The following PHLDB2 variants were observed in gnomAD, a reference collection of about 807,000 sequenced individuals.
PHLDB2 encodes the protein pleckstrin homology-like domain family B member 2.
Under a neutral mutation model 123.6 loss-of-function variants are expected in PHLDB2, and 71 were observed. That is an observed-to-expected ratio of 0.57 (90% CI 0.47 to 0.70). The LOEUF is 0.70. Ranked by LOEUF, PHLDB2 falls within the 30% of genes least tolerant of loss-of-function variation. The pLI is 0.00. For synonymous variants in PHLDB2, 547 were observed against 541.6 expected (o/e 1.01, Z -0.14); for missense variants, 1,446 against 1,519.5 (o/e 0.95, Z 0.80).
intron 1 of PHLDB2, among the ~76,000 whole-genome samples, chr3:111,798,949 T>A (rs779403625): frequency 6.6e-6 from 1 of 152,170 alleles, no homozygotes; most frequent in Non-Finnish European, 1.5e-5. Flanking sequence ...TTTGATTGAC[T>A]CACAGTTCAG....
At chr3:111,834,668 T>C (rs1042998586) in intron 1 of PHLDB2, among the ~76,000 whole-genome samples, 5 of 151,986 alleles carry the variant, frequency 3.3e-5, no homozygotes, top group African/African-American at 1.2e-4. Flanking sequence ...AATTGTTGAA[T>C]CATAGGGGAT....
intron 1 of PHLDB2, among the ~76,000 whole-genome samples, chr3:111,747,574 G>A (rs951151632): frequency 2.9e-4 from 44 of 152,118 alleles, no homozygotes; most frequent in Non-Finnish European, 5.7e-4. Flanking sequence ...AGTTGGCCCA[G>A]CTTCCTTGAC....
intron 16 of PHLDB2, among the ~76,000 whole-genome samples, chr3:111,971,913 G>T (rs1419186162): frequency 6.6e-6 from 1 of 152,166 alleles, no homozygotes; most frequent in African/African-American, 2.4e-5. Flanking sequence ...GAAAACCGAG[G>T]CCTAGAAAAT....
rs148927917 is a variant in PHLDB2, at chr3:111,787,586, A to G, written c.-49+54883A>G. On this transcript the variant is annotated intron_variant, in intron 1 of 17. Coordinates refer to the PHLDB2 transcript ENST00000393923. The stretch of plus-strand genomic sequence containing the variant: ...TTGGAGGGCTCAATCTACTTCTACC[A>G]TTTTCAAAGACATGGTTGGTAGCTT... 4.6e-4 allele frequency among the ~76,000 whole-genome samples: 70 copies of G among 152,138 alleles called. 3 individuals are homozygous for G. In the South Asian group the frequency reaches 0.012, roughly 25 times the overall value.
chr3:111,873,785 AT>A (rs910185019), intron 1 of PHLDB2, among the ~76,000 whole-genome samples: 1 of 151,916 alleles, frequency 6.6e-6, no homozygotes, highest in Non-Finnish European at 1.5e-5. Flanking sequence ...AACATCTCAG[AT>A]TTTTTTTGTA....
intron 8 of PHLDB2, 98 bp downstream of exon 8, chr3:111,940,743 T>G: frequency 1.9e-6 from 1 of 528,006 alleles, no homozygotes; most frequent in Non-Finnish European, 3.2e-6. Context: ...ATAGTGAATG[T>G]CTATACAATT....
chr3:111,732,859 C>T (rs1438565755), intron 1 of PHLDB2, among the ~76,000 whole-genome samples: 3 of 152,200 alleles, frequency 2.0e-5, no homozygotes. Flanking sequence ...TCAGCCTGTT[C>T]TGGAAAGCAG....
At chr3:111,800,087 C>T (rs1187835537) in intron 1 of PHLDB2, among the ~76,000 whole-genome samples, 2 of 152,156 alleles carry the variant, frequency 1.3e-5, no homozygotes, top group Non-Finnish European at 2.9e-5. Flanking sequence ...TCACTGCAGA[C>T]TCAACCTCCC....
intron 1 of PHLDB2, among the ~76,000 whole-genome samples, chr3:111,829,057 G>T (rs1478676804): frequency 6.6e-6 from 1 of 152,148 alleles, no homozygotes; most frequent in African/African-American, 2.4e-5. Flanking sequence ...ATTTCCAAAT[G>T]TTTTTCTGAG....
chr3:111,844,931 C>G (rs1332839451), intron 1 of PHLDB2, among the ~76,000 whole-genome samples: 1 of 152,126 alleles, frequency 6.6e-6, no homozygotes, highest in African/African-American at 2.4e-5. Flanking sequence ...ATAGTGGGAC[C>G]AGGTTATCTC....
chr3:111,919,995 G>T (rs1351656755), intron 4 of PHLDB2, among the ~76,000 whole-genome samples: 2 of 152,168 alleles, frequency 1.3e-5, no homozygotes, highest in African/African-American at 4.8e-5. Context: ...TTGAGCTGAA[G>T]CAAATAGGCA....
intron 2 of PHLDB2, among the ~76,000 whole-genome samples, chr3:111,898,999 T>G (rs1011384204): frequency 6.6e-6 from 1 of 152,246 alleles, no homozygotes; most frequent in African/African-American, 2.4e-5. Context: ...CAAAATGTAT[T>G]TAATGGCATC....
At chr3:111,779,911 C>A in intron 1 of PHLDB2, 2 of 957,436 alleles carry the variant, frequency 2.1e-6, no homozygotes, top group Non-Finnish European at 2.5e-6. Context: ...TTGGGTCATA[C>A]ACCCAACACT....
At chr3:111,937,188 A>G (rs776395809) in intron 6 of PHLDB2, among the ~76,000 whole-genome samples, 1 of 152,240 alleles carries the variant, frequency 6.6e-6, no homozygotes, top group South Asian at 2.1e-4. Flanking sequence ...CTCAGTAGCT[A>G]ATAGCTCTTC....
chr3:111,740,013 A>G (rs1458435105), intron 1 of PHLDB2, among the ~76,000 whole-genome samples: 5 of 152,080 alleles, frequency 3.3e-5, no homozygotes, highest in Non-Finnish European at 5.9e-5. Flanking sequence ...CTCCACATAA[A>G]AAGGAAAGAA....
At position 111,967,725 on chromosome 3, in the gene PHLDB2, A is replaced by G. The variant is rs1209887686; in HGVS notation, c.3216A>G (p.Arg1072=). The G allele has an allele frequency of 6.2e-7, 1 of 1,612,790 alleles. No homozygotes were observed. Among genetic ancestry groups the G allele is most frequent in the Non-Finnish European group, 8.5e-7 (1 of 1,179,564 alleles). ...AACGAGCCCTGGAAGAAGAAAAACG[A>G]CGCCGGGAAATCCTGGAAAAACGAT... ...AKKRALEEEK[R]RREILEKRLQ... The change falls in exon 15 of 18, where the codon CGA becomes CGG. Residue 1072 remains arginine, a synonymous_variant. Transcript: ENST00000431670.
Position 111,969,877 on chromosome 3 carries a change from AT to A in PHLDB2, c.3504del (p.Arg1169GlyfsTer17). The A allele has an allele frequency of 1.9e-6, 3 of 1,614,026 alleles. No homozygotes were observed. The highest frequency in any genetic ancestry group is 2.5e-6 in the Non-Finnish European group (3 of 1,179,898). ...KTWKKRWFVF[D>X]RNKRTFSYYA... ...TGGAAAAAACGTTGGTTTGTTTTTG[AT>A]CGGAACAAGCGAACATTCTCTTATT... is the stretch of plus-strand genomic sequence containing the variant. On this transcript the variant is annotated frameshift_variant, in exon 16 of 18. Coordinates refer to ENST00000431670, the MANE Select transcript of PHLDB2 (RefSeq NM_001134438.2). LOFTEE classifies it high-confidence loss of function.
intron 13 of PHLDB2, among the ~76,000 whole-genome samples, chr3:111,965,852 T>C (rs1206805423): frequency 1.3e-5 from 2 of 152,244 alleles, no homozygotes; most frequent in Non-Finnish European, 2.9e-5. Context: ...TTTTCAAGTT[T>C]TCACTTTGTC....
chr3:111,939,668 A>C (rs1412491061), intron 7 of PHLDB2, 38 bp downstream of exon 7: 1 of 1,573,482 alleles, frequency 6.4e-7, no homozygotes, highest in South Asian at 1.2e-5. Flanking sequence ...GAAAAATCAA[A>C]ATATATTTCT....
Sources: allele counts gnomAD v4.1 joint callset (sites outside exome capture counted in the v4.1 genomes callset), GRCh38; gene constraint gnomAD v4.1.1; transcripts MANE v1.5; gene names NCBI Gene and HGNC (gene_info 2026-07-23, HGNC 2026-07-21).